CIROP: variants seen among roughly 807,000 people sequenced by gnomAD.
CIROP encodes the protein leishmanolysin homolog.
the CIROP span, chr14:23,103,829 G>A: frequency 1.4e-6 from 1 of 701,480 alleles, no homozygotes; most frequent in Non-Finnish European, 2.6e-6. Context: ...CTGGCAGGGA[G>A]TGAAATGTTG....
At chr14:23,104,089 T>C in the CIROP span, among the ~76,000 whole-genome samples, 2 of 152,230 alleles carry the variant, frequency 1.3e-5, no homozygotes, top group Non-Finnish European at 2.9e-5. Flanking sequence ...TCCAGATCCC[T>C]GAGACTGAGA....
chr14:23,104,973 T>C, the CIROP span: 1 of 640,318 alleles, frequency 1.6e-6, no homozygotes, highest in East Asian at 2.7e-5. Context: ...TTCCGTCCCC[T>C]TGTTCCCTGG....
At chr14:23,101,532 AG>A in the CIROP span, 7 of 651,540 alleles carry the variant, frequency 1.1e-5, no homozygotes, top group African/African-American at 1.1e-4. Flanking sequence ...CCACCCCAGC[AG>A]GGAATCCGTT....
the CIROP span, chr14:23,103,029 G>A: frequency 1.7e-6 from 1 of 575,332 alleles, no homozygotes; most frequent in Non-Finnish European, 3.1e-6. Context: ...CTGGCAGCAG[G>A]CAGCATAGGC....
At chr14:23,101,253 T>C in the CIROP span, 1 of 450,926 alleles carries the variant, frequency 2.2e-6, no homozygotes, top group Non-Finnish European at 3.9e-6. Context: ...CGACTTCTTT[T>C]TGCCAGTATG....
At chr14:23,099,352 G>C in the CIROP span, 1 of 413,454 alleles carries the variant, frequency 2.4e-6, no homozygotes, top group Admixed American at 4.4e-5. Context: ...AGAGGCAGAT[G>C]GTCTCACAGG....
the CIROP span, chr14:23,104,565 C>T: frequency 1.4e-6 from 1 of 699,876 alleles, no homozygotes; most frequent in Non-Finnish European, 2.6e-6. Context: ...CTCTGCTCCT[C>T]AACCCTCCCT....
the CIROP span, chr14:23,101,147 G>C: frequency 2.5e-6 from 1 of 402,634 alleles, no homozygotes; most frequent in East Asian, 3.5e-5. Context: ...TAAGGAAAAT[G>C]TATATTCTAG....
the CIROP span, chr14:23,101,579 A>G: frequency 2.9e-6 from 2 of 691,970 alleles, no homozygotes; most frequent in Non-Finnish European, 5.3e-6. Context: ...AGGGCAGGTC[A>G]GAAGTAGAAT....
chr14:23,103,298 T>C, the CIROP span: 1 of 389,102 alleles, frequency 2.6e-6, no homozygotes, highest in Non-Finnish European at 4.5e-6. Flanking sequence ...CCTGTAATCC[T>C]GATACTTTGG....
chr14:23,101,119 C>G, the CIROP span: 1 of 401,848 alleles, frequency 2.5e-6, no homozygotes, highest in Non-Finnish European at 4.4e-6. Context: ...TTTGCCTTAC[C>G]TGTTCAAGTC....
chr14:23,102,312 C>T, the CIROP span: 3 of 702,084 alleles, frequency 4.3e-6, no homozygotes, highest in African/African-American at 1.7e-5. Flanking sequence ...CTACTCCTTT[C>T]TTCCATCACC....
chr14:23,101,449 G>C, the CIROP span: 1 of 602,290 alleles, frequency 1.7e-6, no homozygotes. Flanking sequence ...CTTATCCCCA[G>C]GGAGCAGCTG....
At chr14:23,100,772 A>C in the CIROP span, 3 of 398,744 alleles carry the variant, frequency 7.5e-6, no homozygotes, top group African/African-American at 6.2e-5. Context: ...TGGGATGAAC[A>C]AGTCTTCAGA....
chr14:23,102,492 G>A, the CIROP span: 1 of 700,352 alleles, frequency 1.4e-6, no homozygotes, highest in South Asian at 1.5e-5. Context: ...CTCTCTAACT[G>A]CAGAAAGGGA....
chr14:23,100,973 T>C, the CIROP span: 2 of 399,028 alleles, frequency 5.0e-6, no homozygotes, highest in African/African-American at 4.1e-5. Flanking sequence ...GAATAGTGGA[T>C]CTGGGGTTGA....
At chr14:23,099,712 GCAC>G in the CIROP span, 1 of 326,634 alleles carries the variant, frequency 3.1e-6, no homozygotes, top group African/African-American at 2.1e-5. Flanking sequence ...GGCGCACGCC[GCAC>G]CACCACGTCT....
the CIROP span, chr14:23,100,751 AG>A: frequency 0.014 from 5,510 of 398,888 alleles, 68 homozygotes; most frequent in African/African-American, 0.04. Flanking sequence ...AAACAGATGC[AG>A]GCTTAAGAGT....
At chr14:23,099,557 CTTTT>C in the CIROP span, 883 of 307,026 alleles carry the variant, frequency 2.9e-3, no homozygotes, top group East Asian at 3.4e-3. Context: ...GCGGCATTAC[CTTTT>C]TTTTTTTTTT....
Sources: allele counts gnomAD v4.1 joint callset (sites outside exome capture counted in the v4.1 genomes callset), GRCh38; gene constraint gnomAD v4.1.1; transcripts MANE v1.5; gene names NCBI Gene and HGNC (gene_info 2026-07-23, HGNC 2026-07-21).